The following NHS variants were observed in gnomAD, a reference collection of about 807,000 sequenced individuals.
NHS encodes NHS actin remodeling regulator.
NHS carries 5 observed loss-of-function variants against 72.5 expected under a neutral mutation model. That is an observed-to-expected ratio of 0.07 (90% CI 0.04 to 0.14). The LOEUF is 0.14. NHS is among the 10% of genes least tolerant of loss of function. The probability of loss-of-function intolerance (pLI) is 1.00; values close to 1 mark genes in which losing one functional copy is unlikely to be tolerated. For missense variants in NHS, 1,072 were observed against 1,355.7 expected (o/e 0.79, Z 3.29); for synonymous variants, 464 against 547.7 (o/e 0.85, Z 2.13).
At chrX:17,463,224 C>T (rs1017765698) in intron 1 of NHS, among the ~76,000 whole-genome samples, 1 of 111,631 alleles carries the variant, frequency 9.0e-6, no homozygotes, top group Non-Finnish European at 1.9e-5. Flanking sequence ...TTCCGAAGAA[C>T]TAGTTTACCA....
At chrX:17,720,792 C>T (rs1280295800) in intron 4 of NHS, among the ~76,000 whole-genome samples, 1 of 112,489 alleles carries the variant, frequency 8.9e-6, no homozygotes, top group African/African-American at 3.2e-5. Context: ...TATTTCCCCC[C>T]AGTAACAGCA....
At chrX:17,686,568 G>A (rs1450188797) in intron 1 of NHS, among the ~76,000 whole-genome samples, 1 of 112,345 alleles carries the variant, frequency 8.9e-6, no homozygotes, top group African/African-American at 3.2e-5. Context: ...CCACAGACAT[G>A]CTTTCTGTTC....
At chrX:17,450,345 G>A (rs1050540466) in intron 1 of NHS, among the ~76,000 whole-genome samples, 8 of 111,875 alleles carry the variant, frequency 7.2e-5, no homozygotes, top group African/African-American at 2.0e-4. Context: ...ACCAGCTAAC[G>A]TTTATTGATA....
intron 2 of NHS, among the ~76,000 whole-genome samples, chrX:17,690,532 C>T (rs1394271001): frequency 8.9e-6 from 1 of 112,204 alleles, no homozygotes; most frequent in Non-Finnish European, 1.9e-5. Context: ...TAGAAATTGG[C>T]TGCCTTCAAG....
chrX:17,375,421 G>A lies in NHS; in HGVS notation c.-337G>A. 1 of 390,028 alleles carries A rather than the reference G, an allele frequency of 2.6e-6. No homozygotes were observed. The highest frequency in any genetic ancestry group is 4.1e-5 in the East Asian group (1 of 24,355). 32.1% of individuals were successfully genotyped at this position (390,028 alleles called of 1,213,427 possible). A position where few individuals can be genotyped will look rare whatever the true frequency, so the allele number is the denominator to read the frequency against. ...GGCGGCGGCGACGGCAGTGGCCGGG[G>A]TGGCGACGGCGAGCACAGAAACGAT... On this transcript the variant is annotated 5_prime_UTR_variant, in exon 1 of 9. In the 5' UTR this introduces an upstream ATG that the reference lacks. Transcript: ENST00000676302.
intron 1 of NHS, among the ~76,000 whole-genome samples, chrX:17,559,462 C>T (rs1289148490): frequency 6.3e-5 from 7 of 111,788 alleles, no homozygotes; most frequent in Non-Finnish European, 1.3e-4. Context: ...CATTGGCCTC[C>T]GTGCACCCCC....
chrX:17,428,824 G>C (rs1270560657), intron 1 of NHS, among the ~76,000 whole-genome samples: 1 of 109,281 alleles, frequency 9.2e-6, no homozygotes, highest in Non-Finnish European at 1.9e-5. Flanking sequence ...GAATGCACAT[G>C]TCTCTCTCTC....
chrX:17,553,051 C>T (rs966433317), intron 1 of NHS, among the ~76,000 whole-genome samples: 3 of 113,042 alleles, frequency 2.7e-5, no homozygotes, highest in Non-Finnish European at 5.6e-5. Flanking sequence ...GTCCCATGTC[C>T]TGGGAGACTC....
chrX:17,459,286 G>A (rs1397666024), intron 1 of NHS, among the ~76,000 whole-genome samples: 3 of 111,747 alleles, frequency 2.7e-5, no homozygotes, highest in Non-Finnish European at 5.6e-5. Context: ...TGTTTAAATG[G>A]CTGGGAAGAT....
chrX:17,456,600 C>T (rs185451459), intron 1 of NHS, among the ~76,000 whole-genome samples: 10 of 112,327 alleles, frequency 8.9e-5, no homozygotes, highest in Non-Finnish European at 1.7e-4. Context: ...ATGAGCGCCG[C>T]GTTAAGACCT....
At chrX:17,722,658 A>AC (rs779617985) in intron 5 of NHS, among the ~76,000 whole-genome samples, 1 of 110,992 alleles carries the variant, frequency 9.0e-6, no homozygotes, top group Non-Finnish European at 1.9e-5. Context: ...TTTCCTGATG[A>AC]CCTATTCAAC....
intron 1 of NHS, among the ~76,000 whole-genome samples, chrX:17,473,760 TTGAAA>T (rs1332016379): frequency 5.4e-5 from 6 of 111,828 alleles, no homozygotes; most frequent in African/African-American, 2.0e-4. Flanking sequence ...TGATCACATG[TTGAAA>T]TGATAATATT....
chrX:17,589,838 T>C (rs1176471038), intron 1 of NHS, among the ~76,000 whole-genome samples: 1 of 111,700 alleles, frequency 9.0e-6, no homozygotes, highest in Non-Finnish European at 1.9e-5. Flanking sequence ...TCCATGCCAA[T>C]GTCTATTATT....
At chrX:17,512,792 C>T (rs886719416) in intron 1 of NHS, among the ~76,000 whole-genome samples, 9 of 90,335 alleles carry the variant, frequency 1.0e-4, no homozygotes, top group African/African-American at 4.2e-4. Context: ...TGCTTCTAAA[C>T]CTAGCTAAAA....
chrX:17,441,526 A>AT (rs781496337), intron 1 of NHS, among the ~76,000 whole-genome samples: 206 of 111,801 alleles, frequency 1.8e-3, no homozygotes, highest in African/African-American at 6.1e-3. Context: ...GTCATCTAAT[A>AT]TTTTGGCGCT....
intron 1 of NHS, among the ~76,000 whole-genome samples, chrX:17,565,141 G>A (rs1039357153): frequency 1.8e-5 from 2 of 111,054 alleles, no homozygotes; most frequent in African/African-American, 6.6e-5. Context: ...GCCTTGTGGC[G>A]TCCACCTTGT....
intron 1 of NHS, among the ~76,000 whole-genome samples, chrX:17,557,822 T>C (rs557583184): frequency 2.7e-5 from 3 of 112,191 alleles, no homozygotes; most frequent in Non-Finnish European, 3.8e-5. Context: ...TCATGGGCCA[T>C]TGGACCAAGG....
chrX:17,639,503 C>T (rs2065869587), intron 1 of NHS, among the ~76,000 whole-genome samples: 1 of 110,793 alleles, frequency 9.0e-6, no homozygotes, highest in Admixed American at 9.6e-5. Context: ...GAAGGCATCC[C>T]AGGGTAATAG....
intron 1 of NHS, among the ~76,000 whole-genome samples, chrX:17,403,371 C>G (rs1601690347): frequency 8.9e-6 from 1 of 111,768 alleles, no homozygotes; most frequent in South Asian, 3.8e-4. Flanking sequence ...AAGGGCTGAC[C>G]AAGGACAAAG....
Sources: gnomAD v4.1 joint callset for allele counts (sites outside exome capture counted in the v4.1 genomes callset) on GRCh38, gnomAD v4.1.1 for gene constraint, MANE v1.5 for transcripts, NCBI Gene and HGNC (gene_info 2026-07-23, HGNC 2026-07-21) for gene names.